The following CUBN variants were observed in gnomAD, a reference collection of about 807,000 sequenced individuals.
CUBN encodes 460 kDa receptor.
Under a neutral mutation model 405.3 loss-of-function variants are expected in CUBN, and 282 were observed. The observed-to-expected ratio is 0.70, with a 90% CI of 0.63 to 0.77. The LOEUF (loss-of-function observed/expected upper bound fraction) is 0.77. Ranked by LOEUF, CUBN falls within the 30% of genes least tolerant of loss-of-function variation. CUBN has a pLI of 0.00. For missense variants in CUBN, 4,514 were observed against 4,475.2 expected (o/e 1.01, Z -0.25); for synonymous variants, 1,684 against 1,617.0 (o/e 1.04, Z -0.99).
chr10:17,025,247 C>T (rs1000475421), intron 27 of CUBN, among the ~76,000 whole-genome samples: 2 of 152,126 alleles, frequency 1.3e-5, no homozygotes, highest in African/African-American at 4.8e-5. Flanking sequence ...GAACTATACT[C>T]AATCAGTTTA....
At chr10:16,923,805 C>G (rs1842106934) in intron 43 of CUBN, among the ~76,000 whole-genome samples, 1 of 152,162 alleles carries the variant, frequency 6.6e-6, no homozygotes, top group East Asian at 1.9e-4. Flanking sequence ...AGGACGGTGG[C>G]TTACTCCAGT....
chr10:17,034,983 T>C (rs1834863674), intron 27 of CUBN, among the ~76,000 whole-genome samples: 1 of 151,832 alleles, frequency 6.6e-6, no homozygotes, highest in Non-Finnish European at 1.5e-5. Flanking sequence ...GAGACAGTGA[T>C]CACCTTGCCT....
At chr10:17,073,788 A>G (rs1254329932) in intron 17 of CUBN, among the ~76,000 whole-genome samples, 2 of 152,186 alleles carry the variant, frequency 1.3e-5, no homozygotes, top group East Asian at 1.9e-4. Context: ...AATACAGTCT[A>G]TGGACTTGGG....
chr10:16,860,210 T>C (rs933982632), intron 59 of CUBN, among the ~76,000 whole-genome samples: 1 of 152,144 alleles, frequency 6.6e-6, no homozygotes, highest in Non-Finnish European at 1.5e-5. Flanking sequence ...TTTTATCAGA[T>C]ATAAACACAT....
At chr10:16,832,841 C>T (rs1030993622) in intron 64 of CUBN, among the ~76,000 whole-genome samples, 1 of 152,164 alleles carries the variant, frequency 6.6e-6, no homozygotes, top group South Asian at 2.1e-4. Context: ...TCAGACATTT[C>T]CGTTCCCACC....
chr10:17,067,973 A>G (rs1346746881), intron 21 of CUBN, 91 bp downstream of exon 21: 2 of 989,002 alleles, frequency 2.0e-6, no homozygotes, highest in Non-Finnish European at 3.1e-6. Context: ...CCTGGTTTTC[A>G]TAACACAACG....
At chr10:16,965,932 A>G in intron 31 of CUBN, 1 of 471,086 alleles carries the variant, frequency 2.1e-6, no homozygotes, top group Non-Finnish European at 4.4e-6. Context: ...TGCAGAGCCA[A>G]TATACAAACC....
intron 29 of CUBN, among the ~76,000 whole-genome samples, chr10:16,988,105 CCT>C (rs1833481369): frequency 6.6e-6 from 1 of 152,260 alleles, no homozygotes; most frequent in East Asian, 1.9e-4. Flanking sequence ...GGGAACAGCC[CCT>C]GTCTCTACTT....
intron 23 of CUBN, among the ~76,000 whole-genome samples, chr10:17,046,846 G>C (rs1364905742): frequency 6.6e-6 from 1 of 152,066 alleles, no homozygotes; most frequent in African/African-American, 2.4e-5. Flanking sequence ...TCAAAGTAGT[G>C]GCATGGAGAG....
chr10:16,908,691 T>C (rs1238338578), intron 48 of CUBN, among the ~76,000 whole-genome samples: 2 of 152,190 alleles, frequency 1.3e-5, no homozygotes, highest in Non-Finnish European at 2.9e-5. Flanking sequence ...TTTGCATGAC[T>C]GGTTTTCACA....
chr10:17,063,314 C>G (rs1004668259), intron 22 of CUBN, among the ~76,000 whole-genome samples: 2 of 152,170 alleles, frequency 1.3e-5, no homozygotes, highest in Non-Finnish European at 2.9e-5. Context: ...AACAAGCGGG[C>G]ACAGTGACCA....
chr10:17,081,952 T>A (rs1835980437), intron 17 of CUBN, among the ~76,000 whole-genome samples: 1 of 134,982 alleles, frequency 7.4e-6, no homozygotes, highest in African/African-American at 2.7e-5. Context: ...GACCTCTCCT[T>A]CTGAATAATA....
intron 44 of CUBN, 107 bp downstream of exon 44, chr10:16,919,856 G>A (rs1427338144): frequency 4.2e-6 from 5 of 1,199,800 alleles, no homozygotes; most frequent in Non-Finnish European, 6.0e-6. Flanking sequence ...TTTTCCCCTA[G>A]ATTTCCTTGC....
In CUBN at chr10:16,845,863, G is replaced by A. The variant is rs191243707; in HGVS notation, c.9664-4816C>T. On this transcript the variant is annotated intron_variant, in intron 60 of 66. Coordinates refer to ENST00000377833, the MANE Select transcript of CUBN (RefSeq NM_001081.4). ...CATTAAGTCAGACCTTCTCAATGAG[G>A]TCAATACCACCCCATAGGGAGTGTT... 2.6e-5 allele frequency among the ~76,000 whole-genome samples: 4 copies of A among 152,250 alleles called. No individual in the cohort carries two copies. In the East Asian group the frequency reaches 7.7e-4, roughly 29 times the overall value.
At chr10:17,023,074 A>G (rs1475502954) in intron 27 of CUBN, among the ~76,000 whole-genome samples, 3 of 151,970 alleles carry the variant, frequency 2.0e-5, no homozygotes, top group African/African-American at 7.3e-5. Flanking sequence ...GAAATGTGGC[A>G]TTTTCACGTG....
intron 14 of CUBN, among the ~76,000 whole-genome samples, chr10:17,098,654 G>A (rs370145647): frequency 3.8e-4 from 58 of 152,232 alleles, no homozygotes; most frequent in South Asian, 3.5e-3. Context: ...CACACATGAT[G>A]TAATTATGTA....
chr10:16,871,573 C>T (rs1461503614), intron 58 of CUBN, among the ~76,000 whole-genome samples: 1 of 151,892 alleles, frequency 6.6e-6, no homozygotes, highest in Non-Finnish European at 1.5e-5. Context: ...TCTTTTACCA[C>T]ATTTAACATT....
chr10:17,020,730 A>T (rs1348657014), intron 27 of CUBN, among the ~76,000 whole-genome samples: 1 of 152,174 alleles, frequency 6.6e-6, no homozygotes, highest in African/African-American at 2.4e-5. Context: ...TTCATTGAAC[A>T]TATCACTTAA....
At chr10:17,051,218 G>T (rs1047038308) in intron 22 of CUBN, among the ~76,000 whole-genome samples, 3 of 152,010 alleles carry the variant, frequency 2.0e-5, no homozygotes, top group African/African-American at 7.2e-5. Context: ...AAAATTAGCT[G>T]GGTGTGGTGG....
Sources: gnomAD v4.1 joint callset for allele counts (sites outside exome capture counted in the v4.1 genomes callset) on GRCh38, gnomAD v4.1.1 for gene constraint, MANE v1.5 for transcripts, NCBI Gene and HGNC (gene_info 2026-07-23, HGNC 2026-07-21) for gene names.